INSYN2B: variants seen among roughly 807,000 people sequenced by gnomAD.
The protein encoded by INSYN2B is protein INSYN2B.
In INSYN2B, 16 loss-of-function variants were observed where a neutral mutation model predicts 41.2. The observed-to-expected ratio is 0.39, with a 90% CI of 0.26 to 0.59. INSYN2B has a LOEUF of 0.59. INSYN2B is among the 20% of genes least tolerant of loss of function. The pLI is 0.57. For synonymous variants in INSYN2B, 245 were observed against 244.4 expected, an observed-to-expected ratio of 1.00 and a Z score of -0.02; for missense variants, 608 against 646.4, an observed-to-expected ratio of 0.94 and a Z score of 0.64.
Position 169,980,466 on chromosome 5 carries a change from C to T in INSYN2B, c.-1108G>A, listed in dbSNP as rs1777901298. ...AATAAATAAAAAGCCGAACAAACTG[C>T]TCGGCAGCTACCATGTGAAAAGAAA... On this transcript the variant is annotated 5_prime_UTR_variant, in exon 1 of 4. Transcript: ENST00000377365. 1.3e-5 allele frequency: 2 copies of T among 152,090 alleles called. No homozygotes were observed. The allele number at this position is 152,090 out of a possible 1,614,324, so 9.4% of individuals were successfully genotyped here.
intron 1 of INSYN2B, among the ~76,000 whole-genome samples, chr5:169,888,205 C>T (rs1773084291): frequency 6.6e-6 from 1 of 152,196 alleles, no homozygotes; most frequent in Non-Finnish European, 1.5e-5. Flanking sequence ...CTTGCACAGA[C>T]ACATCGTGGG....
At chr5:169,909,973 C>T (rs934993372) in intron 1 of INSYN2B, among the ~76,000 whole-genome samples, 4 of 152,166 alleles carry the variant, frequency 2.6e-5, no homozygotes, top group African/African-American at 9.7e-5. Context: ...TCAAATTCTG[C>T]ACCAGCATTT....
intron 1 of INSYN2B, among the ~76,000 whole-genome samples, chr5:169,888,529 G>C (rs1773104043): frequency 6.6e-6 from 1 of 152,186 alleles, no homozygotes; most frequent in Admixed American, 6.5e-5. Context: ...AGTAGATACA[G>C]AAACATTGGA....
At chr5:169,906,603 G>T (rs1344174190) in intron 1 of INSYN2B, among the ~76,000 whole-genome samples, 1 of 152,102 alleles carries the variant, frequency 6.6e-6, no homozygotes. Context: ...AAGTGCTGGG[G>T]TTACGGGTAT....
Position 169,863,579 on chromosome 5 carries a change from C to T in INSYN2B, c.*694G>A, listed in dbSNP as rs1771342302. Among the ~76,000 whole-genome samples, 1 of 152,240 alleles carries T rather than the reference C, an allele frequency of 6.6e-6. No individual in the cohort carries two copies. The highest frequency in any genetic ancestry group is 2.1e-4 in the South Asian group (1 of 4,836). On this transcript the variant is annotated 3_prime_UTR_variant, in exon 4 of 4. Transcript: ENST00000377365. ...AGCTGCTGAAATCCTCTTTGAATTA[C>T]ACTTATCCAGCACAGCCACACCAAC...
At chr5:169,880,634 G>T (rs1772587648) in intron 3 of INSYN2B, among the ~76,000 whole-genome samples, 1 of 152,152 alleles carries the variant, frequency 6.6e-6, no homozygotes, top group Non-Finnish European at 1.5e-5. Flanking sequence ...TCAGAGGTTT[G>T]CAGTTACAAA....
chr5:169,954,507 G>C (rs1377656729), intron 1 of INSYN2B, among the ~76,000 whole-genome samples: 1 of 152,196 alleles, frequency 6.6e-6, no homozygotes, highest in African/African-American at 2.4e-5. Context: ...AAGACCTCTT[G>C]GCCACCCCCC....
In INSYN2B at chr5:169,883,383, T is replaced by C; in HGVS notation, c.516A>G (p.Pro172=). 6.4e-7 allele frequency: 1 copy of C among 1,551,632 alleles called. No homozygotes were observed. Among genetic ancestry groups the C allele is most frequent in the South Asian group, 1.2e-5 (1 of 84,066 alleles). ...RRVKVSHAFL[P]RVPKVQSNGP... ...CATTGCTTTGCACCTTGGGGACCCT[T>C]GGGAGGAATGCATGGGACACCTTGA... The change falls in exon 2 of 4, where the codon CCA becomes CCG. Residue 172 remains proline (P), a synonymous_variant. Transcript: ENST00000377365.
Position 169,882,579 on chromosome 5 carries a change from C to A in INSYN2B, c.1320G>T (p.Leu440Phe). The change falls in exon 2 of 4, where the codon TTG becomes TTT. Residue 440 changes from leucine (L) to phenylalanine (F), a missense_variant. Physicochemically the swap from Leu to Phe is conservative, Grantham distance 22 (BLOSUM62 0). Transcript: ENST00000377365. ...CTTCAGTGAGAGCTCGAGCTTTCTC[C>A]AAGTCTTGAATTACATTCAAAAGGA... ...IKVLLNVIQDLEKARALTEGR... is the reference protein window; with the variant it reads ...IKVLLNVIQDFEKARALTEGR... 1 of 1,548,790 alleles carries A rather than the reference C, an allele frequency of 6.5e-7. No individual in the cohort carries two copies. Among genetic ancestry groups the A allele is most frequent in the Non-Finnish European group, 8.7e-7 (1 of 1,144,532 alleles).
chr5:169,887,271 T>A (rs867128537), intron 1 of INSYN2B, among the ~76,000 whole-genome samples: 3 of 152,248 alleles, frequency 2.0e-5, no homozygotes, highest in Non-Finnish European at 4.4e-5. Context: ...ATCCTTTAGA[T>A]GTTTTCTTTT....
At chr5:169,907,389 T>A (rs1356218534) in intron 1 of INSYN2B, among the ~76,000 whole-genome samples, 1 of 152,208 alleles carries the variant, frequency 6.6e-6, no homozygotes, top group Non-Finnish European at 1.5e-5. Context: ...TCTAGTCTAG[T>A]TCCTGTTTAC....
At chr5:169,868,972 G>C (rs550733353) in intron 3 of INSYN2B, among the ~76,000 whole-genome samples, 4 of 152,088 alleles carry the variant, frequency 2.6e-5, no homozygotes, top group Non-Finnish European at 5.9e-5. Context: ...GGGTGACCCT[G>C]GGCAAGTTTC....
intron 1 of INSYN2B, among the ~76,000 whole-genome samples, chr5:169,939,859 C>T (rs1776162876): frequency 6.6e-6 from 1 of 152,170 alleles, no homozygotes; most frequent in Non-Finnish European, 1.5e-5. Context: ...GAATAAGGTA[C>T]TTTGCCCTCT....
rs562791445 is a variant in INSYN2B, at chr5:169,864,264, C to T, written c.*9G>A. 1.2e-5 allele frequency: 18 copies of T among 1,550,998 alleles called. No individual in the cohort carries two copies. In the African/African-American group the frequency reaches 2.2e-4, roughly 19 times the overall value. On this transcript the variant is annotated 3_prime_UTR_variant, in exon 4 of 4. Coordinates refer to ENST00000377365, the MANE Select transcript of INSYN2B (RefSeq NM_001129891.3). ...GGAGTTGGGGGGCTGGGGGATGGTC[C>T]CAACCAGCTCAGATCCACCAGAAGC...
At chr5:169,874,582 G>A (rs150847214) in intron 3 of INSYN2B, among the ~76,000 whole-genome samples, 28 of 152,232 alleles carry the variant, frequency 1.8e-4, no homozygotes, top group African/African-American at 4.6e-4. Context: ...TAGTGGTAAT[G>A]GTCAGCATTT....
At chr5:169,868,089 A>G (rs1771714742) in intron 3 of INSYN2B, among the ~76,000 whole-genome samples, 1 of 152,158 alleles carries the variant, frequency 6.6e-6, no homozygotes. Context: ...TACCCCCTCT[A>G]AGATTTTAGG....
intron 1 of INSYN2B, among the ~76,000 whole-genome samples, chr5:169,901,156 A>T (rs1482881093): frequency 2.0e-5 from 3 of 152,020 alleles, no homozygotes; most frequent in Non-Finnish European, 4.4e-5. Context: ...TTGAGGAGGG[A>T]TGGTGGGTGT....
intron 1 of INSYN2B, among the ~76,000 whole-genome samples, chr5:169,900,956 G>A (rs1331771444): frequency 1.3e-5 from 2 of 152,152 alleles, no homozygotes; most frequent in South Asian, 2.1e-4. Flanking sequence ...AAACAGCCAA[G>A]GTCCTGTCTA....
chr5:169,970,811 C>T (rs991803651), intron 1 of INSYN2B, among the ~76,000 whole-genome samples: 18 of 152,190 alleles, frequency 1.2e-4, no homozygotes, highest in Non-Finnish European at 2.4e-4. Flanking sequence ...ATAAGTTGAT[C>T]TGATATCTGG....
Sources: gnomAD v4.1 joint callset for allele counts (sites outside exome capture counted in the v4.1 genomes callset) on GRCh38, gnomAD v4.1.1 for gene constraint, MANE v1.5 for transcripts, NCBI Gene and HGNC (gene_info 2026-07-23, HGNC 2026-07-21) for gene names.